MACROD2: variants seen among roughly 807,000 people sequenced by gnomAD.
The protein encoded by MACROD2 is mono-ADP ribosylhydrolase 2.
Under a neutral mutation model 70.4 loss-of-function variants are expected in MACROD2, and 36 were observed. That is an observed-to-expected ratio of 0.51 (90% CI 0.39 to 0.68). The LOEUF is 0.68. MACROD2 is among the 30% of genes least tolerant of loss of function. The pLI, the probability that MACROD2 is intolerant of heterozygous loss-of-function variation, is 0.00. For synonymous variants in MACROD2, 172 were observed against 178.8 expected, an observed-to-expected ratio of 0.96 and a Z score of 0.30; for missense variants, 496 against 538.4, an observed-to-expected ratio of 0.92 and a Z score of 0.78.
intron 3 of MACROD2, among the ~76,000 whole-genome samples, chr20:14,123,343 A>C (rs1340466927): frequency 6.6e-6 from 1 of 152,104 alleles, no homozygotes; most frequent in Non-Finnish European, 1.5e-5. Flanking sequence ...ATATCAACAA[A>C]CTATTTCTCA....
rs142560420 is a variant in MACROD2, at chr20:14,956,288, C to T, written c.418+271329C>T. On this transcript the variant is annotated intron_variant, in intron 5 of 17. Transcript: ENST00000684519. ...TGCAATGTAATTCACCACTCAATGA[C>T]GAATGCTTCTGACAAATGGAAACCT... Among the ~76,000 whole-genome samples, 84 of 152,014 alleles carry T rather than the reference C, an allele frequency of 5.5e-4. 2 individuals are homozygous for T. Among genetic ancestry groups the T allele is most frequent in the Admixed American group, 3.9e-4 (6 of 15,268 alleles).
At chr20:14,813,469 C>G (rs1317240416) in intron 5 of MACROD2, among the ~76,000 whole-genome samples, 9 of 151,932 alleles carry the variant, frequency 5.9e-5, no homozygotes, top group African/African-American at 2.2e-4. Context: ...TTTCTGTTTC[C>G]TGCATTAGTT....
At chr20:15,484,452 G>C (rs563350825) in intron 7 of MACROD2, among the ~76,000 whole-genome samples, 1 of 152,274 alleles carries the variant, frequency 6.6e-6, no homozygotes, top group East Asian at 1.9e-4. Flanking sequence ...AAGAGGGCTA[G>C]AGTAAACTGG....
intron 3 of MACROD2, among the ~76,000 whole-genome samples, chr20:14,317,390 C>T (rs577335848): frequency 3.9e-5 from 6 of 152,076 alleles, no homozygotes; most frequent in South Asian, 4.2e-4. Flanking sequence ...GAGGCCAAGG[C>T]GGGTGGATCA....
chr20:14,327,794 C>T (rs1228872287), intron 3 of MACROD2, among the ~76,000 whole-genome samples: 1 of 151,842 alleles, frequency 6.6e-6, no homozygotes, highest in African/African-American at 2.4e-5. Flanking sequence ...GTCCTAAATC[C>T]ATTTGATTTT....
At chr20:15,393,816 A>T (rs1467685552) in intron 6 of MACROD2, among the ~76,000 whole-genome samples, 1 of 151,902 alleles carries the variant, frequency 6.6e-6, no homozygotes, top group Non-Finnish European at 1.5e-5. Context: ...TGCCTTCTTG[A>T]TTGCTCTCTC....
intron 5 of MACROD2, among the ~76,000 whole-genome samples, chr20:14,969,643 AT>A (rs1331272698): frequency 6.6e-6 from 1 of 151,904 alleles, no homozygotes; most frequent in African/African-American, 2.4e-5. Context: ...AGTGCCTTTG[AT>A]TTTTTTTCCT....
intron 3 of MACROD2, among the ~76,000 whole-genome samples, chr20:14,411,587 A>G (rs2083749693): frequency 6.6e-6 from 1 of 152,140 alleles, no homozygotes; most frequent in South Asian, 2.1e-4. Context: ...ACTAAATACT[A>G]TCACTGTGCT....
chr20:16,015,239 C>T (rs2066913960), intron 15 of MACROD2, among the ~76,000 whole-genome samples: 2 of 152,066 alleles, frequency 1.3e-5, no homozygotes. Context: ...AATTTAAATA[C>T]CATGTGTTAA....
intron 3 of MACROD2, among the ~76,000 whole-genome samples, chr20:14,237,808 C>A (rs938576214): frequency 6.7e-6 from 1 of 148,156 alleles, no homozygotes; most frequent in African/African-American, 2.5e-5. Context: ...GTTTTTTTGT[C>A]CTTGCGATAA....
At chr20:15,039,427 T>C (rs1283975851) in intron 5 of MACROD2, among the ~76,000 whole-genome samples, 1 of 152,148 alleles carries the variant, frequency 6.6e-6, no homozygotes, top group African/African-American at 2.4e-5. Context: ...GTAGTTTCTA[T>C]GACACACCTT....
chr20:14,125,105 T>C (rs1210033364), intron 3 of MACROD2, among the ~76,000 whole-genome samples: 2 of 152,028 alleles, frequency 1.3e-5, no homozygotes, highest in Non-Finnish European at 2.9e-5. Flanking sequence ...GAATAGATAA[T>C]GGAGGCAGAA....
intron 2 of MACROD2, among the ~76,000 whole-genome samples, chr20:14,054,870 C>T (rs1569137216): frequency 6.6e-6 from 1 of 152,152 alleles, no homozygotes; most frequent in African/African-American, 2.4e-5. Context: ...AATTATTTAT[C>T]TGTCTTTGCC....
At chr20:15,974,562 T>C (rs2066277295) in intron 13 of MACROD2, among the ~76,000 whole-genome samples, 2 of 151,978 alleles carry the variant, frequency 1.3e-5, no homozygotes, top group Non-Finnish European at 2.9e-5. Context: ...CTTTAGGGCA[T>C]TGAAAATACT....
intron 5 of MACROD2, among the ~76,000 whole-genome samples, chr20:15,031,429 G>A (rs1329903829): frequency 6.6e-6 from 1 of 152,206 alleles, no homozygotes; most frequent in Non-Finnish European, 1.5e-5. Flanking sequence ...CAGGAAGAAT[G>A]AGGTATGTGG....
chr20:15,559,181 C>T (rs1204389725), intron 8 of MACROD2, among the ~76,000 whole-genome samples: 9 of 135,330 alleles, frequency 6.7e-5, no homozygotes, highest in African/African-American at 2.0e-4. Context: ...GAGTCGAGAT[C>T]GCGCCACTGC....
At chr20:15,272,749 G>A (rs1030644701) in intron 6 of MACROD2, among the ~76,000 whole-genome samples, 1 of 152,150 alleles carries the variant, frequency 6.6e-6, no homozygotes, top group African/African-American at 2.4e-5. Flanking sequence ...ATCATTTCAA[G>A]GTTATAGTGA....
At chr20:15,093,703 A>G (rs1465045181) in intron 5 of MACROD2, among the ~76,000 whole-genome samples, 3 of 152,178 alleles carry the variant, frequency 2.0e-5, no homozygotes, top group South Asian at 4.1e-4. Flanking sequence ...TCATTCTAAT[A>G]TTCATTCTGA....
At chr20:14,087,712 G>A (rs2054096063) in intron 3 of MACROD2, among the ~76,000 whole-genome samples, 2 of 152,002 alleles carry the variant, frequency 1.3e-5, no homozygotes, top group South Asian at 2.1e-4. Flanking sequence ...TGGGGCCTCT[G>A]GGGGAAGACA....
Sources: allele counts gnomAD v4.1 joint callset (sites outside exome capture counted in the v4.1 genomes callset), GRCh38; gene constraint gnomAD v4.1.1; transcripts MANE v1.5; gene names NCBI Gene and HGNC (gene_info 2026-07-23, HGNC 2026-07-21).